The following CASK variants were observed in gnomAD, a reference collection of about 807,000 sequenced individuals.
CASK encodes calcium/calmodulin dependent serine protein kinase.
Under a neutral mutation model 82.9 loss-of-function variants are expected in CASK, and 4 were observed. That is an observed-to-expected ratio of 0.05 (90% CI 0.02 to 0.11). CASK has a LOEUF of 0.11. CASK is among the 10% of genes least tolerant of loss of function. The pLI is 1.00. For synonymous variants in CASK, 259 were observed against 253.5 expected (o/e 1.02, Z -0.20); for missense variants, 358 against 720.9 (o/e 0.50, Z 5.76).
chrX:41,901,887 C>T (rs1371589972), intron 1 of CASK, among the ~76,000 whole-genome samples: 1 of 111,832 alleles, frequency 8.9e-6, no homozygotes, highest in Non-Finnish European at 1.9e-5. Context: ...TAGCCTGGTG[C>T]TAGAATGAGC....
intron 4 of CASK, among the ~76,000 whole-genome samples, chrX:41,740,965 C>A (rs184808898): frequency 4.5e-5 from 5 of 111,405 alleles, no homozygotes; most frequent in African/African-American, 1.6e-4. Flanking sequence ...TCACTGCAAC[C>A]TCTGCCTCCT....
At chrX:41,913,171 T>A (rs771510031) in intron 1 of CASK, among the ~76,000 whole-genome samples, 1 of 111,520 alleles carries the variant, frequency 9.0e-6, no homozygotes, top group South Asian at 3.7e-4. Context: ...GATATGTGCA[T>A]GAGTGTGTGA....
intron 2 of CASK, among the ~76,000 whole-genome samples, chrX:41,795,104 T>C (rs1338136280): frequency 1.8e-5 from 2 of 112,541 alleles, no homozygotes; most frequent in Non-Finnish European, 3.7e-5. Flanking sequence ...GGTTTTTTTT[T>C]CTTTTAATAA....
intron 2 of CASK, among the ~76,000 whole-genome samples, chrX:41,797,554 A>C (rs1177018611): frequency 2.7e-5 from 3 of 111,495 alleles, no homozygotes; most frequent in African/African-American, 9.8e-5. Context: ...CTTAGACTCA[A>C]CATCTATTAT....
chrX:41,902,335 G>A (rs1028378082), intron 1 of CASK, among the ~76,000 whole-genome samples: 1 of 111,248 alleles, frequency 9.0e-6, no homozygotes, highest in Non-Finnish European at 1.9e-5. Context: ...GGCTTCAGGG[G>A]AGAAGCTTTT....
intron 12 of CASK, among the ~76,000 whole-genome samples, chrX:41,593,413 T>C (rs754915979): frequency 1.8e-5 from 2 of 111,766 alleles, no homozygotes; most frequent in Non-Finnish European, 3.8e-5. Flanking sequence ...TCAATATTTA[T>C]TGAAGTCTTA....
intron 1 of CASK, among the ~76,000 whole-genome samples, chrX:41,904,099 T>C (rs1284846367): frequency 1.8e-5 from 2 of 111,971 alleles, no homozygotes; most frequent in Non-Finnish European, 3.8e-5. Flanking sequence ...TATCAACAGA[T>C]TTACCTACTG....
chrX:41,693,708 C>T (rs1044049969), intron 5 of CASK, among the ~76,000 whole-genome samples: 1 of 111,756 alleles, frequency 8.9e-6, no homozygotes, highest in African/African-American at 3.3e-5. Context: ...TGAAATTTGT[C>T]TTCCTGCAGT....
At chrX:41,614,774 C>A (rs1569342154) in intron 11 of CASK, among the ~76,000 whole-genome samples, 1 of 111,798 alleles carries the variant, frequency 8.9e-6, no homozygotes, top group African/African-American at 3.3e-5. Flanking sequence ...CCGCCTTGGC[C>A]TCCCAAAGTG....
At chrX:41,675,741 A>G in intron 5 of CASK, 2 of 1,196,864 alleles carry the variant, frequency 1.7e-6, no homozygotes, top group Non-Finnish European at 2.3e-6. Context: ...GAGGCACACA[A>G]AAGTTGGAAG....
rs756346867 is a variant in CASK, at chrX:41,854,004, A to G, written c.60-777T>C. 4.5e-5 allele frequency among the ~76,000 whole-genome samples: 5 copies of G among 111,761 alleles called. No individual in the cohort carries two copies. In the East Asian group the frequency reaches 1.4e-3, roughly 31 times the overall value. On this transcript the variant is annotated intron_variant, in intron 1 of 26. Coordinates refer to ENST00000378163, the MANE Select transcript of CASK (RefSeq NM_001367721.1). ...AAAGGCCTGCGTGGTTTGGTCTCCAACCCTCTCCAGTTTCACCTGAAATCA... is the reference window on the plus strand; with the variant it reads ...AAAGGCCTGCGTGGTTTGGTCTCCAGCCCTCTCCAGTTTCACCTGAAATCA...
At position 41,529,412 on chromosome X, in the gene CASK, G is replaced by A. The variant is rs181228535; in HGVS notation, c.2520+1595C>T. ...CAGCAGCGGCAGCAGCAGCAGTGGC[G>A]GTGGCGGCGGCAGCAGCGGAGGCAG... On this transcript the variant is annotated intron_variant, in intron 25 of 26. Transcript: ENST00000378163. The A allele has an allele frequency of 1.9e-3, 332 of 176,423 alleles. 3 individuals carry two copies. The highest frequency in any genetic ancestry group is 9.1e-3 in the African/African-American group (291 of 32,018). The allele number at this position is 176,423 out of a possible 1,213,427, so 14.5% of individuals were successfully genotyped here.
rs1055080892 is a variant in CASK, at chrX:41,900,244, T to C, written c.59+22686A>G. 3.6e-4 allele frequency among the ~76,000 whole-genome samples: 40 copies of C among 111,165 alleles called. No individual in the cohort carries two copies. In the Admixed American group the frequency reaches 3.7e-3, roughly 10 times the overall value. On this transcript the variant is annotated intron_variant, in intron 1 of 26. Transcript: ENST00000378163. Reference sequence around the variant, plus strand: ...TAAAGTGTCTCAGTGAAGATCTCTTTAATCTAGTTGGAGGTTCTTTGGACT... The same window carrying C: ...TAAAGTGTCTCAGTGAAGATCTCTTCAATCTAGTTGGAGGTTCTTTGGACT...
chrX:41,833,772 A>G (rs1288742279), intron 2 of CASK, among the ~76,000 whole-genome samples: 2 of 111,786 alleles, frequency 1.8e-5, no homozygotes, highest in African/African-American at 3.3e-5. Flanking sequence ...TTTTTGAGGC[A>G]GGATCTTACT....
At chrX:41,694,662 G>A (rs1475095042) in intron 5 of CASK, among the ~76,000 whole-genome samples, 1 of 111,915 alleles carries the variant, frequency 8.9e-6, no homozygotes, top group African/African-American at 3.3e-5. Flanking sequence ...TAGGTTAGGA[G>A]TGGCTAACTG....
intron 9 of CASK, among the ~76,000 whole-genome samples, chrX:41,629,311 G>C (rs1225470843): frequency 1.8e-5 from 2 of 111,780 alleles, no homozygotes; most frequent in Non-Finnish European, 3.8e-5. Context: ...AGTGACTATA[G>C]ATGGTTTAAA....
At chrX:41,717,105 C>T (rs929112741) in intron 5 of CASK, among the ~76,000 whole-genome samples, 1 of 111,021 alleles carries the variant, frequency 9.0e-6, no homozygotes, top group Non-Finnish European at 1.9e-5. Flanking sequence ...TCCCTGCACA[C>T]TTCAAATTAG....
chrX:41,588,255 T>A (rs1278860628), intron 13 of CASK: 1 of 111,901 alleles, frequency 8.9e-6, no homozygotes, highest in Non-Finnish European at 1.9e-5. Context: ...ATTAGTGAAA[T>A]GAGAGGACAA....
intron 1 of CASK, among the ~76,000 whole-genome samples, chrX:41,854,253 C>CACAT (rs1370467679): frequency 9.1e-6 from 1 of 109,998 alleles, no homozygotes; most frequent in Admixed American, 9.6e-5. Flanking sequence ...CACACACACA[C>CACAT]ACACACACAC....
Sources: gnomAD v4.1 joint callset for allele counts (sites outside exome capture counted in the v4.1 genomes callset) on GRCh38, gnomAD v4.1.1 for gene constraint, MANE v1.5 for transcripts, NCBI Gene and HGNC (gene_info 2026-07-23, HGNC 2026-07-21) for gene names.